The following PCSK1 variants were observed in gnomAD, a reference collection of about 807,000 sequenced individuals.
The protein encoded by PCSK1 is proprotein convertase subtilisin/kexin type 1.
In PCSK1, 56 loss-of-function variants were observed where a neutral mutation model predicts 90.6. The observed-to-expected ratio is 0.62, with a 90% confidence interval of 0.50 to 0.77. PCSK1 has a LOEUF of 0.77. PCSK1 is among the 30% of genes least tolerant of loss of function. The probability of loss-of-function intolerance (pLI) is 0.00; values close to 1 mark genes in which losing one functional copy is unlikely to be tolerated. For synonymous variants in PCSK1, 348 were observed against 342.4 expected, an observed-to-expected ratio of 1.02 and a Z score of -0.18; for missense variants, 801 against 932.6, an observed-to-expected ratio of 0.86 and a Z score of 1.84.
chr5:96,393,248 T>G lies in PCSK1; in HGVS notation c.2015A>C (p.Gln672Pro), dbSNP rs765973222. The change falls in exon 14 of 14, where the codon CAA becomes CCA. Residue 672 changes from glutamine to proline, a missense_variant. Gln to Pro is a moderately conservative substitution (Grantham distance 76, BLOSUM62 -1). Transcript: ENST00000311106. ...APSQAMLRLLQSAFSKNSPPK... is the reference protein window; with the variant it reads ...APSQAMLRLLPSAFSKNSPPK... ...CGGTGAGTTTTTACTGAAAGCACTT[T>G]GCAGGAGTCGCAGCATGGCCTGGGA... The G allele has an allele frequency of 1.2e-6, 2 of 1,613,936 alleles. No homozygotes were observed. The highest frequency in any genetic ancestry group is 4.5e-5 in the East Asian group (2 of 44,888).
At chr5:96,415,203 G>A (rs908619714) in intron 6 of PCSK1, among the ~76,000 whole-genome samples, 1 of 152,158 alleles carries the variant, frequency 6.6e-6, no homozygotes, top group Non-Finnish European at 1.5e-5. Context: ...GCATCAATGG[G>A]CTCTGTCTTC....
intron 5 of PCSK1, 105 bp downstream of exon 5, chr5:96,421,775 A>G: frequency 1.3e-6 from 1 of 788,618 alleles, no homozygotes; most frequent in South Asian, 1.4e-5. Flanking sequence ...GTGCATTAAC[A>G]TTTCCTGAGC....
intron 9 of PCSK1, among the ~76,000 whole-genome samples, chr5:96,405,653 G>A (rs147620550): frequency 1.3e-5 from 2 of 152,092 alleles, no homozygotes; most frequent in Admixed American, 6.6e-5. Context: ...CCTGGGTGAC[G>A]GAGTGAGACA....
rs1760255388 is a variant in PCSK1 at position 96,398,867 on chromosome 5, T to G, written c.1588+12A>C. 1 of 1,609,068 alleles carries G rather than the reference T, an allele frequency of 6.2e-7. No individual in the cohort carries two copies. Among genetic ancestry groups the G allele is most frequent in the Non-Finnish European group, 8.5e-7 (1 of 1,175,544 alleles). On this transcript the variant is annotated intron_variant, in intron 11 of 13. Transcript: ENST00000311106. ...TTAAAAATATAAATGGCTTAGAACT[T>G]TTTTAATTTACCAGCAGCAGAAGTA... is the stretch of plus-strand genomic sequence containing the variant.
intron 1 of PCSK1, 68 bp downstream of exon 1, chr5:96,432,795 A>T: frequency 7.3e-7 from 1 of 1,366,572 alleles, no homozygotes; most frequent in African/African-American, 1.4e-5. Context: ...TCCCACTTGG[A>T]AGACCGCGCT....
In PCSK1 at chr5:96,397,450, C is replaced by T; in HGVS notation, c.1608G>A (p.Leu536=). The part of the protein sequence containing the change: ...TSAAGTSTVL[L]AERERDTSPN... Reference sequence around the variant, plus strand: ...GAGATGTATCCCGTTCTCTTTCAGCCAAGAGCACAGTGCTAGTTCCTATGA... The same window carrying T: ...GAGATGTATCCCGTTCTCTTTCAGCTAAGAGCACAGTGCTAGTTCCTATGA... The change falls in exon 12 of 14, where the codon TTG becomes TTA. Residue 536 remains leucine, a synonymous_variant. Coordinates refer to ENST00000311106, the MANE Select transcript of PCSK1 (RefSeq NM_000439.5). The T allele has an allele frequency of 6.2e-7, 1 of 1,613,254 alleles. No individual in the cohort carries two copies.
At chr5:96,394,260 C>G (rs1411580401) in intron 13 of PCSK1, among the ~76,000 whole-genome samples, 1 of 152,186 alleles carries the variant, frequency 6.6e-6, no homozygotes, top group African/African-American at 2.4e-5. Flanking sequence ...TTCTCACCAT[C>G]TGATAGAAGG....
At chr5:96,425,008 A>AAAG (rs1554059749) in intron 3 of PCSK1, among the ~76,000 whole-genome samples, 119 of 117,512 alleles carry the variant, frequency 1.0e-3, no homozygotes, top group African/African-American at 3.7e-3. Flanking sequence ...AGAAAGAAAG[A>AAAG]AAAGAAAGAA....
chr5:96,402,715 T>G (rs1029775134), intron 9 of PCSK1, among the ~76,000 whole-genome samples: 2 of 152,134 alleles, frequency 1.3e-5, no homozygotes, highest in African/African-American at 4.8e-5. Flanking sequence ...AAAGGCTCAA[T>G]GCTTTCATTT....
In PCSK1 at chr5:96,432,927, A is replaced by G; in HGVS notation, c.116T>C (p.Ile39Thr). ...CGAGGCTGCTTCCGGGCCCCCGGGG[A>G]TCTCCGCTGCCCATTCATTGACAAA... ...RQFVNEWAAE[I>T]PGGPEAASAI... Residue 39 changes from isoleucine (I) to threonine (T), a missense_variant, in exon 1 of 14, where the codon ATC becomes ACC. Ile to Thr is a moderately conservative substitution (Grantham distance 89, BLOSUM62 -1). Transcript: ENST00000311106. 1 of 1,614,094 alleles carries G rather than the reference A, an allele frequency of 6.2e-7. No homozygotes were observed. The highest frequency in any genetic ancestry group is 8.5e-7 in the Non-Finnish European group (1 of 1,180,006).
In PCSK1 at chr5:96,394,716, A is replaced by G. The variant is rs1400226177; in HGVS notation, c.1884+148T>C. The G allele has an allele frequency of 4.1e-6, 3 of 725,036 alleles. No homozygotes were observed. The Admixed American group carries it at 6.3e-5, about 15-fold the overall frequency. 44.9% of individuals were successfully genotyped at this position (725,036 alleles called of 1,614,324 possible). ...AATGAAAAAAATACAGTTTTATCCT[A>G]TGGAAAAGAATAGTTTACCACTATC... On this transcript the variant is annotated intron_variant, in intron 13 of 13. Coordinates refer to ENST00000311106, the MANE Select transcript of PCSK1 (RefSeq NM_000439.5).
intron 9 of PCSK1, among the ~76,000 whole-genome samples, chr5:96,404,377 C>A (rs1254054999): frequency 6.6e-6 from 1 of 152,200 alleles, no homozygotes; most frequent in Non-Finnish European, 1.5e-5. Flanking sequence ...GACCTGGGAA[C>A]CTGCATGTTA....
intron 5 of PCSK1, 57 bp downstream of exon 5, chr5:96,421,823 A>G: frequency 1.0e-6 from 1 of 967,772 alleles, no homozygotes; most frequent in Non-Finnish European, 1.7e-6. Flanking sequence ...TAATTTTCTC[A>G]AACAAGATAA....
At chr5:96,394,349 A>C (rs1347956191) in intron 13 of PCSK1, among the ~76,000 whole-genome samples, 1 of 152,228 alleles carries the variant, frequency 6.6e-6, no homozygotes, top group Non-Finnish European at 1.5e-5. Flanking sequence ...TTTTGAGAAA[A>C]AGTGTGATCT....
At position 96,410,797 on chromosome 5, in the gene PCSK1, CGCTGCTGTAAGAGGTG is replaced by C; in HGVS notation, c.1056_1071del (p.Thr353GlufsTer76). 10 of 1,613,972 alleles carry C rather than the reference CGCTGCTGTAAGAGGTG, an allele frequency of 6.2e-6. No homozygotes were observed. The highest frequency in any genetic ancestry group is 8.5e-6 in the Non-Finnish European group (10 of 1,179,892). On this transcript the variant is annotated frameshift_variant, in exon 8 of 14. Transcript: ENST00000311106. LOFTEE classifies it high-confidence loss of function. ...ACGATTCTCTGGTCGGTGTAATCTC[CGCTGCTGTAAGAGGTG>C]GCCAGTGTGGAGGAGCACTTCTCAG...
At chr5:96,404,961 G>A (rs1760505329) in intron 9 of PCSK1, among the ~76,000 whole-genome samples, 1 of 152,180 alleles carries the variant, frequency 6.6e-6, no homozygotes, top group South Asian at 2.1e-4. Flanking sequence ...GTTTAGGCAA[G>A]GGCTCTTCAG....
At chr5:96,402,824 A>G (rs752919166) in intron 9 of PCSK1, among the ~76,000 whole-genome samples, 9 of 152,136 alleles carry the variant, frequency 5.9e-5, no homozygotes, top group Admixed American at 2.0e-4. Flanking sequence ...AGAGTGACTG[A>G]CAGAGAGGCC....
At chr5:96,412,762 T>TG (rs919646520) in intron 6 of PCSK1, among the ~76,000 whole-genome samples, 1 of 144,360 alleles carries the variant, frequency 6.9e-6, no homozygotes, top group Non-Finnish European at 1.5e-5. Flanking sequence ...GTTTTTTTTT[T>TG]TTTTTTTTTT....
At chr5:96,400,329 G>A in intron 9 of PCSK1, 143 bp from the exon 10 acceptor site, 1 of 683,590 alleles carries the variant, frequency 1.5e-6, no homozygotes, top group South Asian at 1.6e-5. Flanking sequence ...GTCTATTACT[G>A]TTCATATATC....
Sources: gnomAD v4.1 joint callset for allele counts (sites outside exome capture counted in the v4.1 genomes callset) on GRCh38, gnomAD v4.1.1 for gene constraint, MANE v1.5 for transcripts, NCBI Gene and HGNC (gene_info 2026-07-23, HGNC 2026-07-21) for gene names.